The following PCDHGA3 variants were observed in gnomAD, a reference collection of about 807,000 sequenced individuals.
The protein encoded by PCDHGA3 is protocadherin gamma-A3.
PCDHGA3 carries 40 observed loss-of-function variants against 58.5 expected under a neutral mutation model. The ratio of observed to expected loss-of-function variants is 0.68; its 90% CI spans 0.53 to 0.89. The LOEUF (loss-of-function observed/expected upper bound fraction) is 0.89. Among genes scored for constraint, PCDHGA3 ranks in the 40% least tolerant of loss-of-function variants. The pLI, the probability that PCDHGA3 is intolerant of heterozygous loss-of-function variation, is 0.00. For missense variants in PCDHGA3, 1,223 were observed against 1,195.9 expected (o/e 1.02, Z -0.33); for synonymous variants, 530 against 525.7 (o/e 1.01, Z -0.11).
At chr5:141,375,421 C>A in intron 1 of PCDHGA3, 1 of 1,613,998 alleles carries the variant, frequency 6.2e-7, no homozygotes, top group African/African-American at 1.3e-5. Context: ...CAGACACCAA[C>A]GACAACCCGC....
intron 1 of PCDHGA3, among the ~76,000 whole-genome samples, chr5:141,401,116 G>A (rs763920346): frequency 1.3e-5 from 2 of 152,036 alleles, no homozygotes; most frequent in African/African-American, 2.4e-5. Flanking sequence ...GGCCGAGGCG[G>A]TTGGATCACA....
chr5:141,419,032 A>G (rs1421513275), intron 1 of PCDHGA3: 2 of 1,614,004 alleles, frequency 1.2e-6, no homozygotes, highest in Non-Finnish European at 1.7e-6. Flanking sequence ...GAGGTGTTCC[A>G]TTTAAGATTC....
chr5:141,444,044 T>C (rs188266846), intron 1 of PCDHGA3, among the ~76,000 whole-genome samples: 1 of 152,098 alleles, frequency 6.6e-6, no homozygotes, highest in East Asian at 1.9e-4. Flanking sequence ...ATCAGATAAT[T>C]TGGCATCTTC....
At position 141,512,116 on chromosome 5, in the gene PCDHGA3, T is replaced by TTA. The variant is rs2099884085; in HGVS notation, c.*943_*944insTA. On this transcript the variant is annotated 3_prime_UTR_variant, in exon 4 of 4. Coordinates refer to ENST00000253812, the MANE Select transcript of PCDHGA3 (RefSeq NM_018916.4). ...ACTAGGCTGGACCCTTCCCACTACA[T>TTA]AATAGGGCTCAGCCCAGGCAGCCAG... 1 of 152,600 alleles carries TTA rather than the reference T, an allele frequency of 6.6e-6. No homozygotes were observed. The highest frequency in any genetic ancestry group is 2.1e-4 in the South Asian group (1 of 4,832). 9.5% of individuals were successfully genotyped at this position (152,600 alleles called of 1,614,324 possible).
In PCDHGA3 at chr5:141,493,985, C is replaced by A. The variant is rs1444608753; in HGVS notation, c.2425-822C>A. On this transcript the variant is annotated intron_variant, in intron 1 of 3. Coordinates refer to ENST00000253812, the MANE Select transcript of PCDHGA3 (RefSeq NM_018916.4). This position sits in a 1 kb window ranked among gnomAD's most constrained non-coding sequence, Gnocchi z 4.3. ...GCTGGCCAGAGCCCCACACCTTCAGCTAGGTGGGAGATGGCTACACATCAG... is the reference window on the plus strand; with the variant it reads ...GCTGGCCAGAGCCCCACACCTTCAGATAGGTGGGAGATGGCTACACATCAG... Among the ~76,000 whole-genome samples the A allele has an allele frequency of 6.6e-6, 1 of 152,196 alleles. No individual in the cohort carries two copies. The highest frequency in any genetic ancestry group is 1.5e-5 in the Non-Finnish European group (1 of 68,032).
chr5:141,414,725 T>C (rs1303775655), intron 1 of PCDHGA3: 8 of 1,613,970 alleles, frequency 5.0e-6, no homozygotes, highest in African/African-American at 1.3e-5. Flanking sequence ...GACACTGGCG[T>C]CCTGTATGCA....
At chr5:141,401,214 C>T (rs894124786) in intron 1 of PCDHGA3, among the ~76,000 whole-genome samples, 4 of 151,920 alleles carry the variant, frequency 2.6e-5, no homozygotes, top group Non-Finnish European at 4.4e-5. Context: ...TGGTGGCGGG[C>T]GCCTGTAATC....
At chr5:141,423,631 T>G (rs1452661307) in intron 1 of PCDHGA3, 2 of 1,603,990 alleles carry the variant, frequency 1.2e-6, no homozygotes, top group African/African-American at 2.7e-5. Flanking sequence ...AGCTATCATT[T>G]TAGGCAAATG....
At chr5:141,408,438 C>G (rs749271632) in intron 1 of PCDHGA3, 8 of 1,613,896 alleles carry the variant, frequency 5.0e-6, no homozygotes, top group Non-Finnish European at 5.9e-6. Flanking sequence ...AGCGTAGACG[C>G]GGAGAGCGGG....
chr5:141,418,424 G>A lies in PCDHGA3; in HGVS notation c.2424+71967G>A, dbSNP rs1427064246. Reference sequence around the variant, plus strand: ...GGTGGAGAAAGACAATCCTGATGGTGGCAAATATCCAGAATTAGTATTGCA... The same window carrying A: ...GGTGGAGAAAGACAATCCTGATGGTAGCAAATATCCAGAATTAGTATTGCA... On this transcript the variant is annotated intron_variant, in intron 1 of 3. Coordinates refer to ENST00000253812, the MANE Select transcript of PCDHGA3 (RefSeq NM_018916.4). 1 of 1,613,974 alleles carries A rather than the reference G, an allele frequency of 6.2e-7. No individual in the cohort carries two copies. Among genetic ancestry groups the A allele is most frequent in the Non-Finnish European group, 8.5e-7 (1 of 1,179,872 alleles).
chr5:141,388,577 A>G, intron 1 of PCDHGA3: 1 of 1,613,868 alleles, frequency 6.2e-7, no homozygotes, highest in East Asian at 2.2e-5. Context: ...TACACGTTCT[A>G]GTGACTGATG....
At chr5:141,361,817 G>A (rs778870438) in intron 1 of PCDHGA3, 2 of 1,613,072 alleles carry the variant, frequency 1.2e-6, no homozygotes, top group Non-Finnish European at 1.7e-6. Flanking sequence ...AATGCGCCAC[G>A]GGTGCTGTAC....
intron 1 of PCDHGA3, chr5:141,422,116 T>G (rs753281558): frequency 1.2e-6 from 2 of 1,604,612 alleles, no homozygotes; most frequent in African/African-American, 1.3e-5. Flanking sequence ...CCAATTGGAT[T>G]CACAAACTGG....
chr5:141,384,982 G>C, intron 1 of PCDHGA3: 1 of 1,614,144 alleles, frequency 6.2e-7, no homozygotes, highest in Non-Finnish European at 8.5e-7. Flanking sequence ...GTACCTGGTG[G>C]TGGCGGTGGC....
At chr5:141,405,422 GTT>G in intron 1 of PCDHGA3, 2 of 1,509,830 alleles carry the variant, frequency 1.3e-6, no homozygotes, top group Non-Finnish European at 1.8e-6. Context: ...TTTGTTTTTT[GTT>G]TTGTTTTGTT....
At chr5:141,390,433 AT>A (rs1395897313) in intron 1 of PCDHGA3, 1 of 978,654 alleles carries the variant, frequency 1.0e-6, no homozygotes, top group East Asian at 2.6e-5. Context: ...CTGTCATATC[AT>A]TCTACAAAGG....
chr5:141,490,874 A>C lies in PCDHGA3; in HGVS notation c.2425-3933A>C. 1 of 1,613,948 alleles carries C rather than the reference A, an allele frequency of 6.2e-7. No homozygotes were observed. The highest frequency in any genetic ancestry group is 1.3e-5 in the African/African-American group (1 of 75,054). The stretch of plus-strand genomic sequence containing the variant: ...CGAGACTCCGGCTCTCCCCCATTGC[A>C]TGCCAACACATCTCTGCATGTGTTT... On this transcript the variant is annotated intron_variant, in intron 1 of 3. Coordinates refer to ENST00000253812, the MANE Select transcript of PCDHGA3 (RefSeq NM_018916.4). The surrounding 1 kb of genome is among the most constrained non-coding windows in gnomAD (Gnocchi z 5.4).
At chr5:141,371,687 G>T in intron 1 of PCDHGA3, 1 of 1,614,014 alleles carries the variant, frequency 6.2e-7, no homozygotes, top group Non-Finnish European at 8.5e-7. Flanking sequence ...GCAATCCACC[G>T]CTCTCCTCCA....
At chr5:141,374,076 A>AGCCAGTAATGGCGCCTCCGCAGAGGC (rs1770087883) in intron 1 of PCDHGA3, 1 of 1,514,538 alleles carries the variant, frequency 6.6e-7, no homozygotes, top group Non-Finnish European at 8.8e-7. Flanking sequence ...GTTCCTAATA[A>AGCCAGTAATGGCGCCTCCGCAGAGGC]GCCAGTAATG....
Sources: allele counts gnomAD v4.1 joint callset (sites outside exome capture counted in the v4.1 genomes callset), GRCh38; gene constraint gnomAD v4.1.1; non-coding constraint Gnocchi (gnomAD v3.1); transcripts MANE v1.5; gene names NCBI Gene and HGNC (gene_info 2026-07-23, HGNC 2026-07-21).